COL4A3: variants seen among roughly 807,000 people sequenced by gnomAD.
The protein encoded by COL4A3 is collagen alpha-3(IV) chain.
Under a neutral mutation model 217.4 loss-of-function variants are expected in COL4A3, and 135 were observed. The ratio of observed to expected loss-of-function variants is 0.62; its 90% CI spans 0.54 to 0.72. The LOEUF is 0.72. COL4A3 is among the 30% of genes least tolerant of loss of function. The pLI, the probability that COL4A3 is intolerant of heterozygous loss-of-function variation, is 0.00. For synonymous variants in COL4A3, 690 were observed against 736.3 expected, an observed-to-expected ratio of 0.94 and a Z score of 1.02; for missense variants, 1,868 against 2,119.9, an observed-to-expected ratio of 0.88 and a Z score of 2.33.
chr2:227,169,484 T>G (rs934725810), intron 1 of COL4A3, among the ~76,000 whole-genome samples: 8 of 151,168 alleles, frequency 5.3e-5, no homozygotes, highest in African/African-American at 1.5e-4. Flanking sequence ...CCACAATGGT[T>G]GAACTAGTTT....
chr2:227,209,367 T>C (rs766013154), intron 1 of COL4A3, among the ~76,000 whole-genome samples: 6 of 152,246 alleles, frequency 3.9e-5, no homozygotes, highest in Non-Finnish European at 8.8e-5. Flanking sequence ...TCAGCAGGCC[T>C]GAACCTTTTA....
rs2073796246 is a variant in COL4A3, at chr2:227,312,956, TTA to T, written c.*1090_*1091del. On this transcript the variant is annotated 3_prime_UTR_variant, in exon 52 of 52. Coordinates refer to ENST00000396578, the MANE Select transcript of COL4A3 (RefSeq NM_000091.5). ...AAAAAAAAAAGCAACACTTTTTATG[TTA>T]TATGTTGTTCTTACAAACCATACTG... The T allele has an allele frequency of 6.6e-6, 1 of 152,560 alleles. No homozygotes were observed. The highest frequency in any genetic ancestry group is 2.4e-5 in the African/African-American group (1 of 41,454). 9.5% of individuals were successfully genotyped at this position (152,560 alleles called of 1,614,324 possible).
chr2:227,202,746 A>ATATATATAT (rs1553738296), intron 1 of COL4A3, among the ~76,000 whole-genome samples: 1 of 22,218 alleles, frequency 4.5e-5, no homozygotes. Context: ...AAAAAAAAAA[A>ATATATATAT]ATATATATAT....
At chr2:227,257,994 G>A (rs1203780940) in intron 18 of COL4A3, among the ~76,000 whole-genome samples, 1 of 152,160 alleles carries the variant, frequency 6.6e-6, no homozygotes, top group Non-Finnish European at 1.5e-5. Flanking sequence ...ACCTGGGCCC[G>A]GGTTATGACA....
intron 2 of COL4A3, among the ~76,000 whole-genome samples, chr2:227,239,204 G>GA (rs1298240786): frequency 6.6e-6 from 1 of 151,466 alleles, no homozygotes; most frequent in Non-Finnish European, 1.5e-5. Flanking sequence ...GGGAGGGGGG[G>GA]ATATAATAAA....
At chr2:227,195,132 G>A (rs1199484823) in intron 1 of COL4A3, among the ~76,000 whole-genome samples, 1 of 151,982 alleles carries the variant, frequency 6.6e-6, no homozygotes, top group Admixed American at 6.6e-5. Context: ...CAACAGTTCG[G>A]TGCATAGAGA....
rs761912335 is a variant in COL4A3, at chr2:227,283,753, A to T, written c.2657-14A>T. The T allele has an allele frequency of 7.4e-6, 12 of 1,611,112 alleles. No homozygotes were observed. The South Asian group carries it at 1.2e-4, about 16-fold the overall frequency. On this transcript the variant is annotated splice_polypyrimidine_tract_variant and intron_variant, in intron 32 of 51. Transcript: ENST00000396578. ...GTACAACACGTGCTGCTTTGTGTTA[A>T]TTTGTTTCCATAGGTGAAGATGGAG...
chr2:227,183,119 T>C (rs2065909246), intron 1 of COL4A3, among the ~76,000 whole-genome samples: 1 of 152,230 alleles, frequency 6.6e-6, no homozygotes, highest in Non-Finnish European at 1.5e-5. Flanking sequence ...TTATAAGCTC[T>C]TTTTGGCCTC....
At chr2:227,225,086 T>TA (rs974931037) in intron 1 of COL4A3, among the ~76,000 whole-genome samples, 13 of 152,146 alleles carry the variant, frequency 8.5e-5, no homozygotes, top group African/African-American at 3.1e-4. Flanking sequence ...TAATTTTTTT[T>TA]ATAGAGACAG....
chr2:227,225,685 T>G (rs1418737251), intron 1 of COL4A3, among the ~76,000 whole-genome samples: 1 of 150,870 alleles, frequency 6.6e-6, no homozygotes, highest in Non-Finnish European at 1.5e-5. Context: ...CAAGTTCCCA[T>G]GTTAAGGGAA....
At position 227,222,151 on chromosome 2, in the gene COL4A3, AATAATAATAATAATG is replaced by A. The variant is rs1432094733; in HGVS notation, c.88-15811_88-15797del. Among the ~76,000 whole-genome samples the A allele has an allele frequency of 8.0e-3, 739 of 92,004 alleles. 12 individuals are homozygous for A. Among genetic ancestry groups the A allele is most frequent in the Admixed American group, 0.044 (290 of 6,636 alleles). 60.4% of individuals were successfully genotyped at this position (92,004 alleles called of 152,430 possible). A position where few individuals can be genotyped will look rare whatever the true frequency, so the allele number is the denominator to read the frequency against. ...TAATAATAATAATAATAATAATAAT[AATAATAATAATAATG>A]ATAATGATAATAAAAAGCTCCTTAA... is the stretch of plus-strand genomic sequence containing the variant. On this transcript the variant is annotated intron_variant, in intron 1 of 51. Coordinates refer to ENST00000396578, the MANE Select transcript of COL4A3 (RefSeq NM_000091.5).
At chr2:227,175,430 C>T (rs1023240983) in intron 1 of COL4A3, among the ~76,000 whole-genome samples, 2 of 152,086 alleles carry the variant, frequency 1.3e-5, no homozygotes, top group East Asian at 3.9e-4. Context: ...GAGATCACGC[C>T]ATTGCATTCT....
rs2072862535 is a variant in COL4A3 at position 227,293,268 on chromosome 2, T to G, written c.3288T>G (p.Pro1096=). ...GQPGPPGHLG[P]AGPEGAPGSP... ...CTGGCCCACCTGGACATTTGGGGCC[T>G]GCTGGACCTGAGGGAGCCCCTGGAA... The change falls in exon 38 of 52, where the codon CCT becomes CCG. Residue 1096 remains proline, a synonymous_variant. Transcript: ENST00000396578. The G allele has an allele frequency of 1.9e-6, 3 of 1,613,728 alleles. No individual in the cohort carries two copies. Among genetic ancestry groups the G allele is most frequent in the South Asian group, 1.1e-5 (1 of 91,066 alleles).
At chr2:227,199,889 A>G (rs892622252) in intron 1 of COL4A3, among the ~76,000 whole-genome samples, 5 of 152,234 alleles carry the variant, frequency 3.3e-5, no homozygotes, top group Non-Finnish European at 7.3e-5. Context: ...CCCAATGTTA[A>G]TAGGAAGGCT....
chr2:227,309,397 C>T (rs2073650599), intron 50 of COL4A3, 79 bp downstream of exon 50: 2 of 1,121,044 alleles, frequency 1.8e-6, no homozygotes, highest in East Asian at 2.5e-5. Flanking sequence ...AATGTGATTC[C>T]CAGGGTCGAT....
intron 23 of COL4A3, chr2:227,268,489 C>T (rs1021319133): frequency 6.6e-6 from 1 of 152,228 alleles, no homozygotes; most frequent in East Asian, 1.9e-4. Context: ...TAGCCATTTG[C>T]ATTGGCATAG....
chr2:227,267,995 GTC>G (rs2071015304), intron 23 of COL4A3, among the ~76,000 whole-genome samples: 1 of 152,112 alleles, frequency 6.6e-6, no homozygotes, highest in Admixed American at 6.5e-5. Flanking sequence ...AGTACAAAAC[GTC>G]TCTGTTTACT....
At position 227,284,308 on chromosome 2, in the gene COL4A3, C is replaced by G; in HGVS notation, c.2844C>G (p.Ser948=). The G allele has an allele frequency of 6.2e-7, 1 of 1,613,988 alleles. No individual in the cohort carries two copies. The highest frequency in any genetic ancestry group is 8.5e-7 in the Non-Finnish European group (1 of 1,179,986). The change falls in exon 34 of 52, where the codon TCC becomes TCG. Residue 948 remains serine (S), a synonymous_variant. Coordinates refer to ENST00000396578, the MANE Select transcript of COL4A3 (RefSeq NM_000091.5). ...DKGNPGPSEI[S]HVIGDKGEPG... ...GAAATCCCGGGCCTTCAGAGATATC[C>G]CACGTAATAGGGGACAAAGGAGAAC...
chr2:227,266,704 T>A (rs1174079907), intron 22 of COL4A3, among the ~76,000 whole-genome samples, 195 bp downstream of exon 22: 3 of 152,330 alleles, frequency 2.0e-5, no homozygotes, highest in Admixed American at 2.0e-4. Flanking sequence ...TTGTTGGATA[T>A]CCCTAAAATG....
Sources: allele counts gnomAD v4.1 joint callset (sites outside exome capture counted in the v4.1 genomes callset), GRCh38; gene constraint gnomAD v4.1.1; transcripts MANE v1.5; gene names NCBI Gene and HGNC (gene_info 2026-07-23, HGNC 2026-07-21).